Variants in SLC44A1 observed in about 807,000 individuals in gnomAD.
The protein encoded by SLC44A1 is solute carrier family 44 member 1, also known as choline transporter-like protein 1.
A neutral mutation model predicts 79.3 loss-of-function variants in SLC44A1; 26 were observed. The observed-to-expected ratio is 0.33, with a 90% CI of 0.24 to 0.46. The LOEUF (loss-of-function observed/expected upper bound fraction) is 0.46, where lower values mean the gene tolerates loss of function less well. Ranked by LOEUF, SLC44A1 falls within the 20% of genes least tolerant of loss-of-function variation. SLC44A1 has a pLI of 1.00. For missense variants in SLC44A1, 688 were observed against 798.1 expected (o/e 0.86, Z 1.66); for synonymous variants, 263 against 286.2 (o/e 0.92, Z 0.82).
At chr9:105,333,477 A>G (rs1180063628) in intron 3 of SLC44A1, among the ~76,000 whole-genome samples, 1 of 152,166 alleles carries the variant, frequency 6.6e-6, no homozygotes, top group African/African-American at 2.4e-5. Flanking sequence ...TAAGTACTCA[A>G]TAAAATTGGC....
chr9:105,250,984 G>A (rs1829571257), intron 1 of SLC44A1, among the ~76,000 whole-genome samples: 1 of 152,108 alleles, frequency 6.6e-6, no homozygotes, highest in Admixed American at 6.5e-5. Context: ...GCCCTCGTGT[G>A]TCACCAAGTT....
chr9:105,257,427 C>T (rs1829737690), intron 1 of SLC44A1, among the ~76,000 whole-genome samples: 1 of 152,000 alleles, frequency 6.6e-6, no homozygotes, highest in Admixed American at 6.6e-5. Context: ...GGTCTTGTCT[C>T]CCTATGTTGC....
At chr9:105,401,683 C>G (rs1279083367), downstream of SLC44A1, among the ~76,000 whole-genome samples, 1 of 152,178 alleles carries the variant, frequency 6.6e-6, no homozygotes, top group Non-Finnish European at 1.5e-5. Context: ...AGATGCACGT[C>G]TCACATTTCC....
At chr9:105,284,693 C>G (rs72744229) in intron 1 of SLC44A1, among the ~76,000 whole-genome samples, 4,111 of 152,188 alleles carry the variant, frequency 0.027, 75 homozygotes, top group Non-Finnish European at 0.044. Flanking sequence ...GAAAAGTGTT[C>G]ATATGGAGTC....
At chr9:105,412,179 T>C (rs1396203602) in intron 15 of SLC44A1, among the ~76,000 whole-genome samples, 2 of 152,234 alleles carry the variant, frequency 1.3e-5, no homozygotes, top group African/African-American at 4.8e-5. Flanking sequence ...ATATATATGT[T>C]AAATAACGTT....
In SLC44A1 at chr9:105,397,286, AT is replaced by A. The variant is rs35957774; in HGVS notation, c.*8234del. ...TTGCCAGAATTATAATGAAAACTGT[AT>A]TTTAGTCTAACAAATGTATAGAATT... On this transcript the variant is annotated 3_prime_UTR_variant, in exon 16 of 16. Coordinates refer to ENST00000374720, the MANE Select transcript of SLC44A1 (RefSeq NM_080546.5). The A allele has an allele frequency of 1.0e-6, 1 of 982,326 alleles. No homozygotes were observed. Among genetic ancestry groups the A allele is most frequent in the South Asian group, 4.7e-5 (1 of 21,226 alleles). The allele number at this position is 982,326 out of a possible 1,614,324, so 60.9% of individuals were successfully genotyped here.
chr9:105,339,830 TCAAAAACAAA>T (rs1827031743), intron 4 of SLC44A1, among the ~76,000 whole-genome samples: 1 of 151,488 alleles, frequency 6.6e-6, no homozygotes, highest in South Asian at 2.1e-4. Context: ...CAAAAAAACC[TCAAAAACAAA>T]CAAAAACAAA....
At chr9:105,316,781 T>A (rs534143453) in intron 3 of SLC44A1, among the ~76,000 whole-genome samples, 30 of 152,138 alleles carry the variant, frequency 2.0e-4, no homozygotes, top group Non-Finnish European at 4.4e-4. Context: ...AAGAAGGCAA[T>A]TTGGTGATAG....
chr9:105,377,039 C>T (rs1828312490), intron 13 of SLC44A1, among the ~76,000 whole-genome samples: 1 of 152,076 alleles, frequency 6.6e-6, no homozygotes, highest in South Asian at 2.1e-4. Flanking sequence ...TTTTAAAAGC[C>T]TTTTGACTCA....
chr9:105,362,953 C>T lies in SLC44A1; in HGVS notation c.1033C>T (p.Leu345Phe), dbSNP rs1827826556. 4 of 1,613,812 alleles carry T rather than the reference C, an allele frequency of 2.5e-6. No homozygotes were observed. In the South Asian group the frequency reaches 4.4e-5, roughly 18 times the overall value. The change falls in exon 9 of 16, where the codon CTT (leucine) becomes TTT (phenylalanine). Residue 345 changes from leucine (L) to phenylalanine (F), a missense_variant. Transcript: ENST00000374720. ...VFQPFWTFFALVLFWVYWIMT... is the reference protein window; with the variant it reads ...VFQPFWTFFAFVLFWVYWIMT... Reference sequence around the variant, plus strand: ...CCAACCCTTCTGGACTTTCTTTGCTCTTGTCTTGTTTTGGGTGTACTGGAT... The same window carrying T: ...CCAACCCTTCTGGACTTTCTTTGCTTTTGTCTTGTTTTGGGTGTACTGGAT...
At chr9:105,397,771 C>T (rs1172767319), downstream of SLC44A1, among the ~76,000 whole-genome samples, 1 of 151,670 alleles carries the variant, frequency 6.6e-6, no homozygotes, top group African/African-American at 2.4e-5. Context: ...GGTGAAACCC[C>T]GTCTCTACTA....
intron 1 of SLC44A1, among the ~76,000 whole-genome samples, chr9:105,279,204 A>G (rs1336865475): frequency 6.6e-6 from 1 of 151,996 alleles, no homozygotes; most frequent in Non-Finnish European, 1.5e-5. Context: ...AAAAAAAAAA[A>G]AAAGGTATTC....
chr9:105,430,908 A>G (rs1043461595), intron 15 of SLC44A1, among the ~76,000 whole-genome samples: 22 of 152,082 alleles, frequency 1.4e-4, no homozygotes, highest in African/African-American at 5.1e-4. Flanking sequence ...GAGGGTTCCA[A>G]TTTTTCTACA....
chr9:105,371,192 G>A lies in SLC44A1; in HGVS notation c.1495-3406G>A, dbSNP rs188916510. Among the ~76,000 whole-genome samples the A allele has an allele frequency of 6.6e-5, 10 of 152,306 alleles. 1 individual carries two copies. The highest frequency in any genetic ancestry group is 4.6e-4 in the Admixed American group (7 of 15,304). On this transcript the variant is annotated intron_variant, in intron 12 of 15. Transcript: ENST00000374720. The stretch of plus-strand genomic sequence containing the variant: ...AATGTGGTTTGTATTTCCAGTAAGA[G>A]GGTGGGTTCCACATACAGTAGATGA...
Position 105,393,842 on chromosome 9 carries a change from T to C in SLC44A1, c.*4786T>C. 2 of 984,892 alleles carry C rather than the reference T, an allele frequency of 2.0e-6. No homozygotes were observed. Among genetic ancestry groups the C allele is most frequent in the Non-Finnish European group, 2.4e-6 (2 of 829,408 alleles). 61.0% of individuals were successfully genotyped at this position (984,892 alleles called of 1,614,324 possible). On this transcript the variant is annotated 3_prime_UTR_variant, in exon 16 of 16. Coordinates refer to ENST00000374720, the MANE Select transcript of SLC44A1 (RefSeq NM_080546.5). ...CTCAGTTTTACAACTTAAATGATTT[T>C]CTCCAGGACACGGAGCTCAGAATAA...
rs575058927 is a variant in SLC44A1 at position 105,393,908 on chromosome 9, A to G, written c.*4852A>G. On this transcript the variant is annotated 3_prime_UTR_variant, in exon 16 of 16. Coordinates refer to ENST00000374720, the MANE Select transcript of SLC44A1 (RefSeq NM_080546.5). The stretch of plus-strand genomic sequence containing the variant: ...TGGTCTAGTGAAGATCTAGTTGAAC[A>G]TGGAAACATTGTAATTTACAAATGT... 2.5e-4 allele frequency: 249 copies of G among 985,068 alleles called. No homozygotes were observed. In the African/African-American group the frequency reaches 4.2e-3, roughly 16 times the overall value. 61.0% of individuals were successfully genotyped at this position (985,068 alleles called of 1,614,324 possible). A position where few individuals can be genotyped will look rare whatever the true frequency, so the allele number is the denominator to read the frequency against.
chr9:105,423,371 A>C (rs1053602640), intron 15 of SLC44A1, among the ~76,000 whole-genome samples: 1 of 152,122 alleles, frequency 6.6e-6, no homozygotes, highest in Non-Finnish European at 1.5e-5. Context: ...AGGCTGAGGC[A>C]GGGAGAATCA....
At chr9:105,299,821 G>A (rs910013099) in intron 2 of SLC44A1, 8 of 986,582 alleles carry the variant, frequency 8.1e-6, no homozygotes, top group East Asian at 1.1e-4. Flanking sequence ...GTTTTCCAAC[G>A]GCCCCTGCTG....
At position 105,390,931 on chromosome 9, in the gene SLC44A1, C is replaced by G; in HGVS notation, c.*1875C>G. 1.0e-6 allele frequency: 1 copy of G among 980,750 alleles called. No individual in the cohort carries two copies. The highest frequency in any genetic ancestry group is 1.2e-6 in the Non-Finnish European group (1 of 825,470). 60.8% of individuals were successfully genotyped at this position (980,750 alleles called of 1,614,324 possible). ...AACAGTATCGCTGTTCTCTTTTATT[C>G]ATTTGAAATGAATATAATTATATAA... On this transcript the variant is annotated 3_prime_UTR_variant, in exon 16 of 16. Transcript: ENST00000374720.
Sources: gnomAD v4.1 joint callset for allele counts (sites outside exome capture counted in the v4.1 genomes callset) on GRCh38, gnomAD v4.1.1 for gene constraint, MANE v1.5 for transcripts, NCBI Gene and HGNC (gene_info 2026-07-23, HGNC 2026-07-21) for gene names.